RNF213: variants seen among roughly 807,000 people sequenced by gnomAD.
RNF213 encodes E3 ubiquitin-protein ligase RNF213.
Under a neutral mutation model 514.4 loss-of-function variants are expected in RNF213, and 341 were observed. The observed-to-expected ratio is 0.66, with a 90% CI of 0.61 to 0.73. The LOEUF is 0.73. Ranked by LOEUF, RNF213 falls within the 30% of genes least tolerant of loss-of-function variation. RNF213 has a pLI of 0.00. For missense variants in RNF213, 5,767 were observed against 6,615.6 expected (o/e 0.87, Z 4.45); for synonymous variants, 2,655 against 2,658.2 (o/e 1.00, Z 0.04).
intron 10 of RNF213, among the ~76,000 whole-genome samples, chr17:80,296,176 C>T (rs1402468605): frequency 6.6e-6 from 1 of 152,170 alleles, no homozygotes. Context: ...CACACTACCA[C>T]ACATGGCTAA....
In RNF213 at chr17:80,380,565, C is replaced by T. The variant is rs983030418; in HGVS notation, c.13641-266C>T. On this transcript the variant is annotated intron_variant, in intron 55 of 67. Transcript: ENST00000582970. Reference sequence around the variant, plus strand: ...AGTGGAAAAGACGGGTCCAGGCCTGCGTCTTAACACCCTGCCCGGGGATCA... The same window carrying T: ...AGTGGAAAAGACGGGTCCAGGCCTGTGTCTTAACACCCTGCCCGGGGATCA... 5.9e-5 allele frequency among the ~76,000 whole-genome samples: 9 copies of T among 152,182 alleles called. No homozygotes were observed. The South Asian group carries it at 8.3e-4, about 14-fold the overall frequency.
rs2144712407 is a variant in RNF213, at chr17:80,398,789, A to G, written c.*5291A>G. On this transcript the variant is annotated 3_prime_UTR_variant, in exon 68 of 68. Transcript: ENST00000582970. ...ACAGAAAATCAAGAGGAAAAAAAGA[A>G]AAAAAGAGATATATATACAAGTAGT... The G allele has an allele frequency of 6.6e-6, 1 of 152,294 alleles. No homozygotes were observed. Among genetic ancestry groups the G allele is most frequent in the East Asian group, 1.9e-4 (1 of 5,184 alleles). 9.4% of individuals were successfully genotyped at this position (152,294 alleles called of 1,614,324 possible).
In RNF213 at chr17:80,398,248, A is replaced by T. The variant is rs1333355085; in HGVS notation, c.*4750A>T. 6.6e-6 allele frequency: 1 copy of T among 152,034 alleles called. No individual in the cohort carries two copies. The highest frequency in any genetic ancestry group is 1.5e-5 in the Non-Finnish European group (1 of 68,036). 9.4% of individuals were successfully genotyped at this position (152,034 alleles called of 1,614,324 possible). On this transcript the variant is annotated 3_prime_UTR_variant, in exon 68 of 68. Coordinates refer to ENST00000582970, the MANE Select transcript of RNF213 (RefSeq NM_001256071.3). ...GATTTTGGTTTGGTGTAAACTGTAA[A>T]AGTGTGTGTGTGCCCTTTTTACCTG... is the stretch of plus-strand genomic sequence containing the variant.
chr17:80,274,086 G>A (rs905064467), intron 3 of RNF213, among the ~76,000 whole-genome samples: 2 of 152,132 alleles, frequency 1.3e-5, no homozygotes, highest in Non-Finnish European at 2.9e-5. Context: ...TCGGGGCAGG[G>A]ACCTGAGCGT....
Position 80,355,981 on chromosome 17 carries a change from G to A in RNF213, c.10862+1405G>A, listed in dbSNP as rs771355185. Reference sequence around the variant, plus strand: ...ATCAGAAATATTTTCATTTCCCTCCGTTCCTCCTTGTGGACTCTCTTGATG... The same window carrying A: ...ATCAGAAATATTTTCATTTCCCTCCATTCCTCCTTGTGGACTCTCTTGATG... On this transcript the variant is annotated intron_variant, in intron 36 of 67. Transcript: ENST00000582970. Among the ~76,000 whole-genome samples, 5 of 148,922 alleles carry A rather than the reference G, an allele frequency of 3.4e-5. No individual in the cohort carries two copies. The East Asian group carries it at 5.9e-4, about 18-fold the overall frequency.
At chr17:80,267,570 C>T (rs553317947) in intron 2 of RNF213, among the ~76,000 whole-genome samples, 2 of 152,338 alleles carry the variant, frequency 1.3e-5, no homozygotes, top group South Asian at 4.1e-4. Flanking sequence ...CCTTAAACCA[C>T]AGCCGAATCC....
chr17:80,385,297 T>C (rs2080188861), intron 60 of RNF213, 126 bp downstream of exon 60: 1 of 1,235,914 alleles, frequency 8.1e-7, no homozygotes, highest in Non-Finnish European at 1.2e-6. Context: ...GCCTAAGCCC[T>C]TACCATGCGG....
Position 80,344,017 on chromosome 17 carries a change from TCTGTA to T in RNF213, c.6342+7_6342+11del. The T allele has an allele frequency of 6.2e-7, 1 of 1,614,114 alleles. No individual in the cohort carries two copies. Among genetic ancestry groups the T allele is most frequent in the Non-Finnish European group, 8.5e-7 (1 of 1,179,992 alleles). ...CCGTCGAGGAGCTCTTCAGCGCTGG[TCTGTA>T]CTGTGGGGCGTTTTCGCCTGGCGTG... On this transcript the variant is annotated splice_donor_5th_base_variant and intron_variant, in intron 28 of 67. Coordinates refer to ENST00000582970, the MANE Select transcript of RNF213 (RefSeq NM_001256071.3).
At position 80,377,797 on chromosome 17, in the gene RNF213, G is replaced by T. The variant is rs1282139177; in HGVS notation, c.13545+1G>T. 1 of 1,614,092 alleles carries T rather than the reference G, an allele frequency of 6.2e-7. No individual in the cohort carries two copies. The highest frequency in any genetic ancestry group is 8.5e-7 in the Non-Finnish European group (1 of 1,180,030). On this transcript the variant is annotated splice_donor_variant, in intron 54 of 67. Coordinates refer to ENST00000582970, the MANE Select transcript of RNF213 (RefSeq NM_001256071.3). LOFTEE classifies it high-confidence loss of function. This position sits in a 1 kb window ranked among gnomAD's most constrained non-coding sequence, Gnocchi z 4.1. Reference sequence around the variant, plus strand: ...CGGCCATCCTTGCTCCGTGGGAGAGGTGAGTCTTGGTATTTAAGATAGGGT... The same window carrying T: ...CGGCCATCCTTGCTCCGTGGGAGAGTTGAGTCTTGGTATTTAAGATAGGGT...
chr17:80,358,593 G>T, intron 37 of RNF213, 114 bp downstream of exon 37: 1 of 967,364 alleles, frequency 1.0e-6, no homozygotes, highest in Non-Finnish European at 1.6e-6. Flanking sequence ...GAGCAACGTT[G>T]ACATGGGTGC....
At chr17:80,379,809 T>A in intron 55 of RNF213, 95 bp downstream of exon 55, 1 of 995,894 alleles carries the variant, frequency 1.0e-6, no homozygotes, top group Non-Finnish European at 1.6e-6. Flanking sequence ...AAGATAGTAC[T>A]AATTACTCCA....
chr17:80,332,491 T>G lies in RNF213; in HGVS notation c.4003T>G (p.Trp1335Gly). 6.5e-7 allele frequency: 1 copy of G among 1,537,128 alleles called. No individual in the cohort carries two copies. The highest frequency in any genetic ancestry group is 1.2e-5 in the South Asian group (1 of 84,060). The change falls in exon 21 of 68, where the codon TGG becomes GGG. Residue 1335 changes from tryptophan (W) to glycine (G), a missense_variant. Transcript: ENST00000582970. ...CGTGGACCACCAGGACCAAAGAGAT[T>G]GGATCAAGGACCGAGTCGAACAGAT... ...CTVDHQDQRDWIKDRVEQIKE... is the reference protein window; with the variant it reads ...CTVDHQDQRDGIKDRVEQIKE...
Position 80,377,752 on chromosome 17 carries a change from C to G in RNF213, c.13511-10C>G. ...CTCATTAGCCAATGTGTGTCCTGTT[C>G]TCTTCACAGCTTGTCCCAACGGCCA... is the stretch of plus-strand genomic sequence containing the variant. On this transcript the variant is annotated splice_polypyrimidine_tract_variant and intron_variant, in intron 53 of 67. Transcript: ENST00000582970. The surrounding 1 kb of genome is among the most constrained non-coding windows in gnomAD (Gnocchi z 4.1). 1 of 1,614,174 alleles carries G rather than the reference C, an allele frequency of 6.2e-7. No homozygotes were observed. The highest frequency in any genetic ancestry group is 8.5e-7 in the Non-Finnish European group (1 of 1,180,014).
At chr17:80,342,536 T>TC (rs1568097492) in intron 26 of RNF213, among the ~76,000 whole-genome samples, 26 of 146,956 alleles carry the variant, frequency 1.8e-4, no homozygotes, top group Non-Finnish European at 1.9e-4. Context: ...GACTTAATTT[T>TC]TCTCTCTCTC....
intron 6 of RNF213, 49 bp downstream of exon 6, chr17:80,289,886 G>A (rs769490305): frequency 2.7e-5 from 42 of 1,543,160 alleles, no homozygotes; most frequent in East Asian, 1.4e-4. Flanking sequence ...CTGAGAGCCC[G>A]GCACACCCTC....
Position 80,263,188 on chromosome 17 carries a change from C to A in RNF213, c.-108-386C>A, listed in dbSNP as rs534409732. On this transcript the variant is annotated intron_variant, in intron 1 of 67. Coordinates refer to ENST00000582970, the MANE Select transcript of RNF213 (RefSeq NM_001256071.3). This position sits in a 1 kb window ranked among gnomAD's most constrained non-coding sequence, Gnocchi z 4.9. ...GCAGCCTCCCCCCATTACTAGGAAT[C>A]TGACTGCCAGCCCAGTAGCCCTGGG... is the stretch of plus-strand genomic sequence containing the variant. Among the ~76,000 whole-genome samples the A allele has an allele frequency of 3.9e-4, 59 of 152,306 alleles. 1 individual carries two copies. In the South Asian group the frequency reaches 9.9e-3, roughly 26 times the overall value.
intron 17 of RNF213, among the ~76,000 whole-genome samples, chr17:80,324,585 T>C (rs1299457212): frequency 1.3e-5 from 2 of 152,222 alleles, no homozygotes; most frequent in Admixed American, 6.5e-5. Context: ...AAGAAAAATA[T>C]TGTTTCTCGG....
At chr17:80,318,225 C>T (rs1276867955) in intron 16 of RNF213, among the ~76,000 whole-genome samples, 1 of 151,372 alleles carries the variant, frequency 6.6e-6, no homozygotes, top group Non-Finnish European at 1.5e-5. Flanking sequence ...AAGCAACATT[C>T]TATTGGTAAA....
intron 3 of RNF213, among the ~76,000 whole-genome samples, chr17:80,276,324 T>G (rs541857606): frequency 1.3e-5 from 2 of 152,130 alleles, no homozygotes; most frequent in Admixed American, 1.3e-4. Flanking sequence ...GGTCTTGAAC[T>G]CCTGACTTCA....
Sources: allele counts gnomAD v4.1 joint callset (sites outside exome capture counted in the v4.1 genomes callset), GRCh38; gene constraint gnomAD v4.1.1; non-coding constraint Gnocchi (gnomAD v3.1); transcripts MANE v1.5; gene names NCBI Gene and HGNC (gene_info 2026-07-23, HGNC 2026-07-21).